The following CFAP299 variants were observed in gnomAD, a reference collection of about 807,000 sequenced individuals.
The protein encoded by CFAP299 is cilia and flagella associated protein 299.
A neutral mutation model predicts 27.0 loss-of-function variants in CFAP299; 21 were observed. The observed-to-expected ratio is 0.78, with a 90% CI of 0.55 to 1.12. The LOEUF is 1.12. Ranked by LOEUF, CFAP299 falls within the 50% of genes most tolerant of loss-of-function variation. CFAP299 has a pLI of 0.00. For missense variants in CFAP299, 310 were observed against 276.6 expected, an observed-to-expected ratio of 1.12 and a Z score of -0.86; for synonymous variants, 104 against 98.1, an observed-to-expected ratio of 1.06 and a Z score of -0.36.
At chr4:80,871,598 C>T (rs762967704) in intron 4 of CFAP299, 94 of 985,106 alleles carry the variant, frequency 9.5e-5, no homozygotes, top group Non-Finnish European at 1.1e-4. Flanking sequence ...AAGGCAAAAT[C>T]CAGATGTTAT....
chr4:80,482,127 A>T (rs1379637075), intron 2 of CFAP299, among the ~76,000 whole-genome samples: 1 of 151,930 alleles, frequency 6.6e-6, no homozygotes, highest in Admixed American at 6.6e-5. Context: ...CTATCTGGGA[A>T]TATAGAATAT....
intron 3 of CFAP299, among the ~76,000 whole-genome samples, chr4:80,837,407 T>A (rs1578169572): frequency 6.6e-6 from 1 of 152,206 alleles, no homozygotes; most frequent in Admixed American, 6.5e-5. Context: ...TCTACATTAG[T>A]TATTTCTCCT....
At chr4:80,695,219 T>C (rs1201234872) in intron 3 of CFAP299, among the ~76,000 whole-genome samples, 1 of 152,206 alleles carries the variant, frequency 6.6e-6, no homozygotes, top group Non-Finnish European at 1.5e-5. Flanking sequence ...ATAGCTAGCA[T>C]GGACTATTTT....
chr4:80,797,259 G>A (rs1423739301), intron 3 of CFAP299, among the ~76,000 whole-genome samples: 1 of 152,138 alleles, frequency 6.6e-6, no homozygotes. Context: ...CTTCCTCAAG[G>A]GGACCCAGCT....
intron 3 of CFAP299, among the ~76,000 whole-genome samples, chr4:80,668,616 T>C (rs1413823786): frequency 6.6e-6 from 1 of 152,190 alleles, no homozygotes; most frequent in African/African-American, 2.4e-5. Context: ...GCTGTAAATA[T>C]GTGGATTTAT....
intron 2 of CFAP299, among the ~76,000 whole-genome samples, chr4:80,455,430 A>G (rs1272231972): frequency 6.6e-6 from 1 of 152,152 alleles, no homozygotes; most frequent in Non-Finnish European, 1.5e-5. Flanking sequence ...TTATATAGGA[A>G]TTTTTGCATA....
Position 80,365,670 on chromosome 4 carries a change from T to C in CFAP299, c.242+2786T>C, listed in dbSNP as rs1443852422. On this transcript the variant is annotated intron_variant, in intron 2 of 5. Coordinates refer to ENST00000358105, the MANE Select transcript of CFAP299 (RefSeq NM_152770.3). ...TATGTAAAACATCAGGGAGAGTCTT[T>C]TCTTTTTGTGAGAATCAGTCAATGT... 3.3e-5 allele frequency among the ~76,000 whole-genome samples: 5 copies of C among 152,234 alleles called. No individual in the cohort carries two copies. In the East Asian group the frequency reaches 5.8e-4, roughly 18 times the overall value.
At chr4:80,597,550 C>A (rs1184505481) in intron 3 of CFAP299, among the ~76,000 whole-genome samples, 1 of 152,112 alleles carries the variant, frequency 6.6e-6, no homozygotes, top group Non-Finnish European at 1.5e-5. Flanking sequence ...ATTTATTAAT[C>A]TTTTCCTTTA....
At chr4:80,682,034 T>C (rs781015494) in intron 3 of CFAP299, among the ~76,000 whole-genome samples, 2 of 152,106 alleles carry the variant, frequency 1.3e-5, no homozygotes, top group East Asian at 3.9e-4. Flanking sequence ...AGAGGAGCAA[T>C]AGGCTTAATG....
chr4:80,653,214 C>A (rs367790773), intron 3 of CFAP299, among the ~76,000 whole-genome samples: 1 of 152,118 alleles, frequency 6.6e-6, no homozygotes, highest in African/African-American at 2.4e-5. Context: ...TTCTGTCCCA[C>A]ATTTTGACAA....
At position 80,944,969 on chromosome 4, in the gene CFAP299, C is replaced by T. The variant is rs201740556; in HGVS notation, c.606+30C>T. 8,206 of 1,588,390 alleles carry T rather than the reference C, an allele frequency of 5.2e-3. 37 individuals carry two copies. The highest frequency in any genetic ancestry group is 0.015 in the Middle Eastern group (91 of 5,990). ...TTCTTCTTTTACACTTAGTTAGTTA[C>T]CTCTTCACATGTTATTGTATTTCTG... On this transcript the variant is annotated intron_variant, in intron 5 of 5. Coordinates refer to ENST00000358105, the MANE Select transcript of CFAP299 (RefSeq NM_152770.3).
At chr4:80,674,158 A>G (rs910269819) in intron 3 of CFAP299, among the ~76,000 whole-genome samples, 1 of 152,100 alleles carries the variant, frequency 6.6e-6, no homozygotes, top group Non-Finnish European at 1.5e-5. Flanking sequence ...AGTGGCTGGT[A>G]CTGGTGTTTA....
At chr4:80,660,478 A>G (rs1221281499) in intron 3 of CFAP299, among the ~76,000 whole-genome samples, 1 of 152,212 alleles carries the variant, frequency 6.6e-6, no homozygotes, top group Non-Finnish European at 1.5e-5. Context: ...TAATGTCAGG[A>G]TGTTTTCTTT....
rs150220483 is a variant in CFAP299, at chr4:80,921,144, T to G, written c.477-23666T>G. Among the ~76,000 whole-genome samples the G allele has an allele frequency of 1.5e-4, 23 of 152,214 alleles. 1 individual carries two copies. Among genetic ancestry groups the G allele is most frequent in the African/African-American group, 5.5e-4 (23 of 41,556 alleles). ...AACAGTTCGGTATACTCTCGACACA[T>G]CATTTATTACTTTATTTTCAAAATT... On this transcript the variant is annotated intron_variant, in intron 4 of 5. Coordinates refer to ENST00000358105, the MANE Select transcript of CFAP299 (RefSeq NM_152770.3).
At chr4:80,930,177 G>A (rs1452312261) in intron 4 of CFAP299, among the ~76,000 whole-genome samples, 1 of 152,076 alleles carries the variant, frequency 6.6e-6, no homozygotes, top group Non-Finnish European at 1.5e-5. Context: ...ATTTAATTAG[G>A]CCTCTATAAA....
chr4:80,761,821 T>C (rs1226042986), intron 3 of CFAP299, among the ~76,000 whole-genome samples: 1 of 152,092 alleles, frequency 6.6e-6, no homozygotes, highest in Non-Finnish European at 1.5e-5. Context: ...GATTTTAATA[T>C]TTGTTTTAAG....
chr4:80,827,563 C>G (rs1378900837), intron 3 of CFAP299, among the ~76,000 whole-genome samples: 1 of 151,690 alleles, frequency 6.6e-6, no homozygotes, highest in Admixed American at 6.6e-5. Context: ...AGTAAACCAC[C>G]AACAACTAAA....
chr4:80,920,943 T>C (rs182455013), intron 4 of CFAP299, among the ~76,000 whole-genome samples: 82 of 152,278 alleles, frequency 5.4e-4, no homozygotes, highest in Middle Eastern at 3.4e-3. Context: ...ACACATTCCT[T>C]CTTTTAACCT....
At chr4:80,895,408 C>G (rs1242313683) in intron 4 of CFAP299, among the ~76,000 whole-genome samples, 3 of 151,958 alleles carry the variant, frequency 2.0e-5, no homozygotes, top group Admixed American at 2.0e-4. Context: ...GGGTGAAATA[C>G]TTTGTAGAAT....
Sources: gnomAD v4.1 joint callset for allele counts (sites outside exome capture counted in the v4.1 genomes callset) on GRCh38, gnomAD v4.1.1 for gene constraint, MANE v1.5 for transcripts, NCBI Gene and HGNC (gene_info 2026-07-23, HGNC 2026-07-21) for gene names.